TECTA: variants seen among roughly 807,000 people sequenced by gnomAD.
The protein encoded by TECTA is tectorin alpha.
TECTA carries 128 observed loss-of-function variants against 216.8 expected under a neutral mutation model. The observed-to-expected ratio is 0.59, with a 90% CI of 0.51 to 0.68. The LOEUF (loss-of-function observed/expected upper bound fraction) is 0.68, where lower values mean the gene tolerates loss of function less well. Ranked by LOEUF, TECTA falls within the 30% of genes least tolerant of loss-of-function variation. The pLI is 0.00. For missense variants in TECTA, 2,551 were observed against 2,786.2 expected (o/e 0.92, Z 1.90); for synonymous variants, 1,089 against 1,117.1 (o/e 0.97, Z 0.50).
intron 16 of TECTA, 124 bp from the exon 17 acceptor site, chr11:121,165,149 C>A: frequency 2.2e-6 from 2 of 912,130 alleles, no homozygotes; most frequent in Non-Finnish European, 3.5e-6. Context: ...TGTCTGTTAA[C>A]TGGCAGCTGC....
rs1476237986 is a variant in TECTA at position 121,109,278 on chromosome 11, T to C, written c.266T>C (p.Leu89Pro). 1.9e-6 allele frequency: 3 copies of C among 1,614,176 alleles called. No homozygotes were observed. The highest frequency in any genetic ancestry group is 3.3e-5 in the Admixed American group (2 of 60,014). The change falls in exon 4 of 24, where the codon CTG (leucine) becomes CCG (proline). Residue 89 changes from leucine to proline, a missense_variant. Coordinates refer to ENST00000392793, the MANE Select transcript of TECTA (RefSeq NM_005422.4). ...CAGTTCACGCCAGAATCCTTTCCCC[T>C]GACAGATGGGAGAGCCTTCGTCGCC... Reference protein sequence around the residue: ...VSQFTPESFPLTDGRAFVAPF... With the variant: ...VSQFTPESFPPTDGRAFVAPF...
chr11:121,172,733 T>G (rs11218177), intron 20 of TECTA, among the ~76,000 whole-genome samples: 30,171 of 152,042 alleles, frequency 0.2, 3,360 homozygotes, highest in Non-Finnish European at 0.25. Context: ...CAAATGCTAT[T>G]TCTAGTTCTA....
intron 20 of TECTA, 39 bp downstream of exon 20, chr11:121,168,964 A>G (rs1215266679): frequency 6.2e-7 from 1 of 1,613,640 alleles, no homozygotes; most frequent in African/African-American, 1.3e-5. Context: ...TCAGAGCTTC[A>G]GGTATAATAT....
At chr11:121,167,067 T>C (rs1424306840) in intron 18 of TECTA, among the ~76,000 whole-genome samples, 5 of 152,212 alleles carry the variant, frequency 3.3e-5, no homozygotes, top group Admixed American at 3.3e-4. Flanking sequence ...TCTGCTTCTA[T>C]TGCTCTTTGA....
intron 11 of TECTA, 45 bp downstream of exon 11, chr11:121,138,067 T>C: frequency 6.2e-7 from 1 of 1,611,652 alleles, no homozygotes; most frequent in Non-Finnish European, 8.5e-7. Flanking sequence ...CGTGGAGACG[T>C]CAGGATGGGG....
intron 4 of TECTA, among the ~76,000 whole-genome samples, chr11:121,112,659 C>T (rs976937012): frequency 6.6e-6 from 1 of 152,182 alleles, no homozygotes; most frequent in Non-Finnish European, 1.5e-5. Context: ...GTATCTGCTC[C>T]CTCTTCCAAC....
intron 20 of TECTA, among the ~76,000 whole-genome samples, chr11:121,178,259 C>A (rs534207587): frequency 2.2e-4 from 33 of 152,320 alleles, no homozygotes; most frequent in Admixed American, 7.8e-4. Context: ...AGAAATCACC[C>A]GTCTTCTGCG....
At chr11:121,190,564 G>T in intron 23 of TECTA, 142 bp from the exon 24 acceptor site, 1 of 672,678 alleles carries the variant, frequency 1.5e-6, no homozygotes, top group Non-Finnish European at 2.7e-6. Context: ...CTGCTACTTT[G>T]CTGCCTTAGG....
chr11:121,180,958 G>A (rs1451977942), intron 20 of TECTA, among the ~76,000 whole-genome samples: 7 of 151,902 alleles, frequency 4.6e-5, no homozygotes, highest in Admixed American at 2.0e-4. Context: ...ATGAGGTCAG[G>A]AGATTGAGAC....
intron 6 of TECTA, among the ~76,000 whole-genome samples, chr11:121,114,290 G>A (rs667125): frequency 0.73 from 111,460 of 152,066 alleles, 41,402 homozygotes; most frequent in Non-Finnish European, 0.8. Context: ...AGCTGACTTT[G>A]GGTATCTGTG....
rs2135054695 is a variant in TECTA, at chr11:121,109,165, G to A, written c.199-46G>A. The A allele has an allele frequency of 2.5e-6, 4 of 1,607,026 alleles. No homozygotes were observed. The East Asian group carries it at 8.9e-5, about 36-fold the overall frequency. On this transcript the variant is annotated intron_variant, in intron 3 of 23. Transcript: ENST00000392793. ...TGTCTTGGTTTGTGACTCTGAAGTT[G>A]TTATGGTTTCAGATCCACTGTGCAA...
chr11:121,169,334 C>G (rs1322501163), intron 20 of TECTA, among the ~76,000 whole-genome samples: 1 of 152,146 alleles, frequency 6.6e-6, no homozygotes, highest in Non-Finnish European at 1.5e-5. Context: ...AAGAAGTTAA[C>G]CTAATAGCCT....
chr11:121,181,023 C>G (rs1460269002), intron 20 of TECTA, among the ~76,000 whole-genome samples: 1 of 151,848 alleles, frequency 6.6e-6, no homozygotes, highest in Non-Finnish European at 1.5e-5. Flanking sequence ...AAAAATTAGC[C>G]AGGTCTGGTG....
chr11:121,127,466 A>C lies in TECTA; in HGVS notation c.1775-286A>C, dbSNP rs1017125318. 6.6e-6 allele frequency among the ~76,000 whole-genome samples: 1 copy of C among 151,982 alleles called. No homozygotes were observed. The highest frequency in any genetic ancestry group is 2.4e-5 in the African/African-American group (1 of 41,358). The stretch of plus-strand genomic sequence containing the variant: ...GTGGATCATCAAATAATAAACCTAT[A>C]TTGGGTAATCAGTAGTCTAGAAAGG... On this transcript the variant is annotated intron_variant, in intron 8 of 23. Coordinates refer to ENST00000392793, the MANE Select transcript of TECTA (RefSeq NM_005422.4). The surrounding 1 kb of genome is among the most constrained non-coding windows in gnomAD (Gnocchi z 5.0).
chr11:121,165,182 T>A lies in TECTA; in HGVS notation c.5273-91T>A, dbSNP rs946622151. 10 of 1,238,894 alleles carry A rather than the reference T, an allele frequency of 8.1e-6. No homozygotes were observed. The African/African-American group carries it at 1.5e-4, about 19-fold the overall frequency. 76.7% of individuals were successfully genotyped at this position (1,238,894 alleles called of 1,614,324 possible). A position where few individuals can be genotyped will look rare whatever the true frequency, so the allele number is the denominator to read the frequency against. ...TGCCATCTGACCATTTCCAATGTGA[T>A]TAAAGTGGCAAGTCTGGAGTGGAAC... On this transcript the variant is annotated intron_variant, in intron 16 of 23. Transcript: ENST00000392793.
chr11:121,178,159 G>A (rs1162377027), intron 20 of TECTA, among the ~76,000 whole-genome samples: 9 of 152,182 alleles, frequency 5.9e-5, no homozygotes, highest in Admixed American at 1.3e-4. Context: ...GCCCTGCTTC[G>A]GCTCGTGCAC....
chr11:121,176,190 T>C (rs1184121480), intron 20 of TECTA, among the ~76,000 whole-genome samples: 1 of 151,668 alleles, frequency 6.6e-6, no homozygotes. Flanking sequence ...CATTTACATT[T>C]AAAGTTAATA....
chr11:121,117,748 GT>G (rs770497421), intron 6 of TECTA, among the ~76,000 whole-genome samples: 2 of 152,212 alleles, frequency 1.3e-5, no homozygotes, highest in Non-Finnish European at 1.5e-5. Context: ...GTGCAAGAAA[GT>G]GGTCAGTGCT....
chr11:121,157,429 C>T (rs1395032067), intron 13 of TECTA, among the ~76,000 whole-genome samples: 1 of 151,988 alleles, frequency 6.6e-6, no homozygotes, highest in East Asian at 1.9e-4. Flanking sequence ...TCCGTCTCTA[C>T]AAAAAATACA....
Sources: gnomAD v4.1 joint callset for allele counts (sites outside exome capture counted in the v4.1 genomes callset) on GRCh38, gnomAD v4.1.1 for gene constraint, Gnocchi (gnomAD v3.1) non-coding constraint, MANE v1.5 for transcripts, NCBI Gene and HGNC (gene_info 2026-07-23, HGNC 2026-07-21) for gene names.